Variants in AMZ1 observed in about 807,000 individuals in gnomAD.
AMZ1 encodes the protein archaelysin family metallopeptidase 1.
AMZ1 carries 39 observed loss-of-function variants against 29.9 expected under a neutral mutation model. That is an observed-to-expected ratio of 1.30 (90% CI 1.01 to 1.70). AMZ1 has a LOEUF of 1.70. Among genes scored for constraint, AMZ1 ranks in the 40% most tolerant of loss-of-function variants. The pLI, the probability that AMZ1 is intolerant of heterozygous loss-of-function variation, is 0.00. For synonymous variants in AMZ1, 458 were observed against 304.0 expected, an observed-to-expected ratio of 1.51 and a Z score of -5.27; for missense variants, 1,041 against 680.6, an observed-to-expected ratio of 1.53 and a Z score of -5.89.
chr7:2,762,337 T>C, upstream of AMZ1: 1 of 359,992 alleles, frequency 2.8e-6, no homozygotes, highest in Non-Finnish European at 5.0e-6. Flanking sequence ...CGACTGCTGC[T>C]GGACACACAC....
chr7:2,761,900 C>T (rs911315428), upstream of AMZ1, among the ~76,000 whole-genome samples: 1 of 152,182 alleles, frequency 6.6e-6, no homozygotes, highest in African/African-American at 2.4e-5. Flanking sequence ...CCAGTTTTCC[C>T]ATCTGTCGTA....
rs778023039 is a variant in AMZ1, at chr7:2,731,401, C to T, written n.550+21585C>T. On this transcript the variant is annotated intron_variant and non_coding_transcript_variant, in intron 4 of 4. Transcript: ENST00000489665. The surrounding 1 kb of genome is among the most constrained non-coding windows in gnomAD (Gnocchi z 6.0). ...GAAGTCCGGGAAGTGCTTCTTGATG[C>T]TCACGGTCTTCACCTTCTCCACCAG... is the stretch of plus-strand genomic sequence containing the variant. 18 of 1,612,962 alleles carry T rather than the reference C, an allele frequency of 1.1e-5. No individual in the cohort carries two copies. The highest frequency in any genetic ancestry group is 1.5e-5 in the Non-Finnish European group (18 of 1,179,248).
chr7:2,691,092 T>C (rs182620642), intron 1 of AMZ1, among the ~76,000 whole-genome samples: 4,958 of 125,910 alleles, frequency 0.039, 405 homozygotes, highest in African/African-American at 0.14. Flanking sequence ...TGCAGTGAGC[T>C]GAGATTGTGC....
chr7:2,682,845 G>C (rs1198136806), intron 1 of AMZ1, among the ~76,000 whole-genome samples: 1 of 151,344 alleles, frequency 6.6e-6, no homozygotes, highest in East Asian at 1.9e-4. Context: ...CAGGCATTCT[G>C]TACAGGGAGG....
At chr7:2,735,563 G>A (rs1053645607) in intron 4 of AMZ1, among the ~76,000 whole-genome samples, 5 of 152,166 alleles carry the variant, frequency 3.3e-5, no homozygotes, top group East Asian at 1.9e-4. Context: ...CGTTTCCCTC[G>A]GTGTGAGTCT....
chr7:2,699,827 C>T (rs1028322994), intron 1 of AMZ1, among the ~76,000 whole-genome samples: 2 of 152,060 alleles, frequency 1.3e-5, no homozygotes, highest in Non-Finnish European at 2.9e-5. Flanking sequence ...TCTCTCTTCC[C>T]TCCAAGGCCT....
chr7:2,690,436 G>T lies in AMZ1; in HGVS notation c.-219+2140G>T, dbSNP rs532653502. Among the ~76,000 whole-genome samples, 3 of 152,272 alleles carry T rather than the reference G, an allele frequency of 2.0e-5. No homozygotes were observed. In the South Asian group the frequency reaches 6.2e-4, roughly 32 times the overall value. ...GGTTTTGCCATATTTCCCCAGGCTG[G>T]TCTCAAACTCCTGGACTCAAGCGAT... is the stretch of plus-strand genomic sequence containing the variant. On this transcript the variant is annotated intron_variant, in intron 1 of 6. Transcript: ENST00000683327.
intron 1 of AMZ1, 90 bp from the exon 2 acceptor site, chr7:2,700,144 A>C: frequency 2.4e-6 from 1 of 415,148 alleles, no homozygotes; most frequent in Non-Finnish European, 4.4e-6. Context: ...GCTTCTCCCC[A>C]GGCCTGGGCA....
Position 2,708,636 on chromosome 7 carries a change from G to A in AMZ1, c.521G>A (p.Cys174Tyr). The change falls in exon 4 of 7, where the codon TGT (cysteine) becomes TAT (tyrosine). Residue 174 changes from cysteine (C) to tyrosine (Y), a missense_variant. Coordinates refer to ENST00000683327, the MANE Select transcript of AMZ1 (RefSeq NM_001384743.1). Reference sequence around the variant, plus strand: ...AACAACAAGCCAGGGGACGCGCTGTGTGTGCTGGGCCTCACACTGTCTGAC... The same window carrying A: ...AACAACAAGCCAGGGGACGCGCTGTATGTGCTGGGCCTCACACTGTCTGAC... ...LKNNKPGDALCVLGLTLSDLY... is the reference protein window; with the variant it reads ...LKNNKPGDALYVLGLTLSDLY... 1.9e-6 allele frequency: 3 copies of A among 1,613,218 alleles called. No homozygotes were observed. The highest frequency in any genetic ancestry group is 1.1e-5 in the South Asian group (1 of 91,086).
In AMZ1 at chr7:2,700,351, C is replaced by A; in HGVS notation, c.-101C>A. ...GGGAGCCCCCGGTAGCCACTCGGAT[C>A]AGCCCGAGGGAAGATTCTGGACGAG... On this transcript the variant is annotated 5_prime_UTR_variant, in exon 2 of 7. Transcript: ENST00000683327. 7.2e-7 allele frequency: 1 copy of A among 1,381,064 alleles called. No homozygotes were observed. The highest frequency in any genetic ancestry group is 9.7e-7 in the Non-Finnish European group (1 of 1,027,764). The allele number at this position is 1,381,064 out of a possible 1,614,324, so 85.6% of individuals were successfully genotyped here. A position where few individuals can be genotyped will look rare whatever the true frequency, so the allele number is the denominator to read the frequency against.
intron 2 of AMZ1, 178 bp from the exon 3 acceptor site, chr7:2,702,544 C>T (rs992236397): frequency 1.5e-6 from 1 of 668,412 alleles, no homozygotes; most frequent in Non-Finnish European, 2.5e-6. Flanking sequence ...CGGTGTTTGC[C>T]CTTTTGAAAA....
rs798557 is a variant in AMZ1, at chr7:2,719,348, G to A, written c.*6470G>A. ...TCACGGACCCCCAAGCAGGAGCAATGCCTAAAGAGGGCAAAGGCCCGCGCG... is the reference window on the plus strand; with the variant it reads ...TCACGGACCCCCAAGCAGGAGCAATACCTAAAGAGGGCAAAGGCCCGCGCG... On this transcript the variant is annotated 3_prime_UTR_variant, in exon 7 of 7. Transcript: ENST00000683327. 0.24 allele frequency among the ~76,000 whole-genome samples: 36,064 copies of A among 152,138 alleles called. 5,005 individuals carry two copies. The highest frequency in any genetic ancestry group is 0.29 in the Non-Finnish European group (19,905 of 67,970).
chr7:2,730,591 C>A (rs75277291), intron 4 of AMZ1: 1 of 152,530 alleles, frequency 6.6e-6, no homozygotes, highest in Non-Finnish European at 1.5e-5. Flanking sequence ...GAAATCGGCA[C>A]GGGAGTTTGA....
At chr7:2,750,348 A>C (rs1451602349) in intron 4 of AMZ1, among the ~76,000 whole-genome samples, 1 of 152,224 alleles carries the variant, frequency 6.6e-6, no homozygotes, top group African/African-American at 2.4e-5. Context: ...AGATGATGCC[A>C]GAGCCTGCAA....
At position 2,717,292 on chromosome 7, in the gene AMZ1, G is replaced by A. The variant is rs1789184280; in HGVS notation, c.*4414G>A. 6.6e-6 allele frequency among the ~76,000 whole-genome samples: 1 copy of A among 152,208 alleles called. No homozygotes were observed. The highest frequency in any genetic ancestry group is 2.4e-5 in the African/African-American group (1 of 41,424). ...ATCCCCGTGAAGACGGAGAGAATCA[G>A]GGCTTCGCGACGGGGCTCATAGACC... On this transcript the variant is annotated 3_prime_UTR_variant, in exon 7 of 7. Coordinates refer to ENST00000683327, the MANE Select transcript of AMZ1 (RefSeq NM_001384743.1).
At chr7:2,757,209 C>T (rs952966624) in intron 4 of AMZ1, among the ~76,000 whole-genome samples, 2 of 140,916 alleles carry the variant, frequency 1.4e-5, no homozygotes, top group Non-Finnish European at 3.0e-5. Context: ...GATCTTGGCT[C>T]ACTGCAAGCT....
At chr7:2,702,571 C>A in intron 2 of AMZ1, 151 bp from the exon 3 acceptor site, 1 of 847,416 alleles carries the variant, frequency 1.2e-6, no homozygotes, top group Non-Finnish European at 1.8e-6. Flanking sequence ...GCTTTCCATC[C>A]CTTTTCTAAG....
In AMZ1 at chr7:2,716,798, ACATC is replaced by A. The variant is rs1432722293; in HGVS notation, c.*3921_*3924del. 6.6e-6 allele frequency among the ~76,000 whole-genome samples: 1 copy of A among 152,170 alleles called. No homozygotes were observed. The highest frequency in any genetic ancestry group is 1.5e-5 in the Non-Finnish European group (1 of 68,030). On this transcript the variant is annotated 3_prime_UTR_variant, in exon 7 of 7. Transcript: ENST00000683327. ...CCTTCCTATGTAACGGAATTTTTTT[ACATC>A]ATCATCGAGTCTCGAAATGACCTGT...
chr7:2,751,131 T>TA (rs1791014598), intron 4 of AMZ1, among the ~76,000 whole-genome samples: 2 of 152,128 alleles, frequency 1.3e-5, no homozygotes, highest in South Asian at 4.1e-4. Flanking sequence ...CACACACTTG[T>TA]AACCCCAGCA....
Sources: gnomAD v4.1 joint callset for allele counts (sites outside exome capture counted in the v4.1 genomes callset) on GRCh38, gnomAD v4.1.1 for gene constraint, Gnocchi (gnomAD v3.1) non-coding constraint, MANE v1.5 for transcripts, NCBI Gene and HGNC (gene_info 2026-07-23, HGNC 2026-07-21) for gene names.